Variants in RPS6KA6 observed in about 807,000 individuals in gnomAD.
RPS6KA6 encodes the protein ribosomal protein S6 kinase A6.
In RPS6KA6, 27 loss-of-function variants were observed where a neutral mutation model predicts 65.4. The ratio of observed to expected loss-of-function variants is 0.41; its 90% confidence interval spans 0.30 to 0.57. RPS6KA6 has a LOEUF of 0.57. Among genes scored for constraint, RPS6KA6 ranks in the 20% least tolerant of loss-of-function variants. RPS6KA6 has a pLI of 0.24. For synonymous variants in RPS6KA6, 190 were observed against 184.2 expected (o/e 1.03, Z -0.26); for missense variants, 486 against 555.6 (o/e 0.87, Z 1.26).
intron 8 of RPS6KA6, among the ~76,000 whole-genome samples, chrX:84,129,104 G>A (rs189673676): frequency 4.5e-5 from 5 of 110,800 alleles, no homozygotes; most frequent in Non-Finnish European, 9.5e-5. Context: ...ATCTGACAAG[G>A]GATTAGTAAC....
rs1263010597 is a variant in RPS6KA6, at chrX:84,148,204, A to G, written c.259-81T>C. On this transcript the variant is annotated intron_variant, in intron 3 of 21. Transcript: ENST00000262752. Reference sequence around the variant, plus strand: ...GCTCTACACAAACACACCAGCATACACTTATATCCTTGCATTTTCTCTAAT... The same window carrying G: ...GCTCTACACAAACACACCAGCATACGCTTATATCCTTGCATTTTCTCTAAT... The G allele has an allele frequency of 9.2e-5, 48 of 519,882 alleles. 1 individual carries two copies. In the South Asian group the frequency reaches 1.8e-3, roughly 20 times the overall value. 42.8% of individuals were successfully genotyped at this position (519,882 alleles called of 1,213,427 possible).
chrX:84,117,791 G>A (rs1461395440), intron 9 of RPS6KA6, among the ~76,000 whole-genome samples: 1 of 111,235 alleles, frequency 9.0e-6, no homozygotes, highest in African/African-American at 3.3e-5. Context: ...CTCTTTTGAA[G>A]AGAATGTTTA....
At chrX:84,065,769 CA>C (rs1233799968) in intron 20 of RPS6KA6, among the ~76,000 whole-genome samples, 3 of 112,127 alleles carry the variant, frequency 2.7e-5, no homozygotes, top group Non-Finnish European at 3.8e-5. Context: ...CTGTCTCTCC[CA>C]AGTATCTTTT....
chrX:84,154,391 A>G (rs1165871095), intron 3 of RPS6KA6, among the ~76,000 whole-genome samples: 3 of 111,542 alleles, frequency 2.7e-5, no homozygotes, highest in Admixed American at 9.6e-5. Flanking sequence ...GAGTAAATAC[A>G]TACATCAAAA....
At chrX:84,185,252 C>T (rs1023612627) in intron 1 of RPS6KA6, among the ~76,000 whole-genome samples, 1 of 111,102 alleles carries the variant, frequency 9.0e-6, no homozygotes, top group Non-Finnish European at 1.9e-5. Flanking sequence ...TTCTTGCTTA[C>T]CCTATTTCCC....
chrX:84,102,257 A>G, intron 17 of RPS6KA6, 59 bp from the exon 18 acceptor site: 1 of 585,254 alleles, frequency 1.7e-6, no homozygotes, highest in African/African-American at 2.4e-5. Flanking sequence ...TCTGAGAAAT[A>G]AAACATTATA....
intron 18 of RPS6KA6, among the ~76,000 whole-genome samples, chrX:84,101,529 C>T (rs927802880): frequency 6.3e-5 from 7 of 110,712 alleles, no homozygotes; most frequent in Non-Finnish European, 1.1e-4. Context: ...CTATTTTCTC[C>T]GGGAGTTAGA....
At chrX:84,150,914 G>A (rs1199128729) in intron 3 of RPS6KA6, among the ~76,000 whole-genome samples, 4 of 88,583 alleles carry the variant, frequency 4.5e-5, no homozygotes, top group African/African-American at 1.3e-4. Context: ...TATATAGAGA[G>A]GATATATATA....
At chrX:84,182,217 G>T (rs967794855) in intron 1 of RPS6KA6, among the ~76,000 whole-genome samples, 1 of 109,986 alleles carries the variant, frequency 9.1e-6, no homozygotes, top group South Asian at 3.8e-4. Context: ...GCAAAAGCCA[G>T]ATTTAGCTCA....
chrX:84,080,624 G>A (rs901761646), intron 20 of RPS6KA6, among the ~76,000 whole-genome samples: 4 of 104,046 alleles, frequency 3.8e-5, no homozygotes, highest in Non-Finnish European at 7.8e-5. Flanking sequence ...GGACCAAGCG[G>A]ACCTAATAGA....
intron 6 of RPS6KA6, among the ~76,000 whole-genome samples, chrX:84,144,276 C>T (rs1176711375): frequency 9.0e-6 from 1 of 110,621 alleles, no homozygotes; most frequent in Non-Finnish European, 1.9e-5. Context: ...TTCCAAATAA[C>T]ATATATGATC....
At chrX:84,097,607 C>T (rs988588125) in intron 19 of RPS6KA6, among the ~76,000 whole-genome samples, 165 bp downstream of exon 19, 11 of 111,081 alleles carry the variant, frequency 9.9e-5, no homozygotes, top group African/African-American at 3.6e-4. Flanking sequence ...TCATTCTACA[C>T]CTTGCTTTAT....
intron 6 of RPS6KA6, among the ~76,000 whole-genome samples, chrX:84,139,309 G>A (rs1251223039): frequency 8.9e-6 from 1 of 111,782 alleles, no homozygotes; most frequent in South Asian, 3.8e-4. Flanking sequence ...AAAATCTAAC[G>A]CAAGAAATCA....
At chrX:84,067,530 T>C (rs1264406448) in intron 20 of RPS6KA6, among the ~76,000 whole-genome samples, 1 of 111,344 alleles carries the variant, frequency 9.0e-6, no homozygotes, top group Non-Finnish European at 1.9e-5. Flanking sequence ...ATATCAGAGA[T>C]TGAAGATCAA....
chrX:84,125,899 A>G (rs1345515711), intron 8 of RPS6KA6, among the ~76,000 whole-genome samples: 1 of 111,322 alleles, frequency 9.0e-6, no homozygotes, highest in Non-Finnish European at 1.9e-5. Context: ...ACTAAATCAC[A>G]GCACCACAGA....
intron 3 of RPS6KA6, among the ~76,000 whole-genome samples, chrX:84,151,093 G>GAGGATAGATATATATAGATATATAT (rs2035307963): frequency 2.1e-5 from 2 of 95,104 alleles, no homozygotes; most frequent in African/African-American, 4.0e-5. Context: ...TAGATATATA[G>GAGGATAGATATATATAGATATATAT]AGGATAGATA....
intron 20 of RPS6KA6, among the ~76,000 whole-genome samples, chrX:84,070,834 T>A (rs953002131): frequency 9.0e-6 from 1 of 110,792 alleles, no homozygotes; most frequent in Non-Finnish European, 1.9e-5. Flanking sequence ...AATGAAAAAA[T>A]TTCAATAGTC....
Position 84,175,491 on chromosome X carries a change from T to C in RPS6KA6, c.82-11104A>G, listed in dbSNP as rs565839377. On this transcript the variant is annotated intron_variant, in intron 1 of 21. Coordinates refer to ENST00000262752, the MANE Select transcript of RPS6KA6 (RefSeq NM_014496.5). ...AGCTATTTACATAGCATTTATATGC[T>C]AGGTATTACATAGCCAAGAGTAAGG... Among the ~76,000 whole-genome samples, 90 of 111,710 alleles carry C rather than the reference T, an allele frequency of 8.1e-4. 1 individual carries two copies. In the South Asian group the frequency reaches 0.032, roughly 39 times the overall value.
rs2035719207 is a variant in RPS6KA6, at chrX:84,173,560, T to C, written c.82-9173A>G. 5.3e-5 allele frequency among the ~76,000 whole-genome samples: 6 copies of C among 112,735 alleles called. No homozygotes were observed. In the Admixed American group the frequency reaches 5.6e-4, roughly 11 times the overall value. ...ATAATTCATCAGAGGTGAATAATGC[T>C]GCCTGTATAGAGAATAAAAAATATG... On this transcript the variant is annotated intron_variant, in intron 1 of 21. Transcript: ENST00000262752.
Sources: gnomAD v4.1 joint callset for allele counts (sites outside exome capture counted in the v4.1 genomes callset) on GRCh38, gnomAD v4.1.1 for gene constraint, MANE v1.5 for transcripts, NCBI Gene and HGNC (gene_info 2026-07-23, HGNC 2026-07-21) for gene names.